Variants in MMP16 observed in about 807,000 individuals in gnomAD.
MMP16 encodes the protein matrix metallopeptidase 16.
Under a neutral mutation model 67.8 loss-of-function variants are expected in MMP16, and 12 were observed. That is an observed-to-expected ratio of 0.18 (90% CI 0.11 to 0.29). The LOEUF (loss-of-function observed/expected upper bound fraction) is 0.29, where lower values mean the gene tolerates loss of function less well. MMP16 is among the 10% of genes least tolerant of loss of function. The probability of loss-of-function intolerance (pLI) is 1.00; values close to 1 mark genes in which losing one functional copy is unlikely to be tolerated. For missense variants in MMP16, 475 were observed against 765.7 expected, an observed-to-expected ratio of 0.62 and a Z score of 4.48; for synonymous variants, 249 against 255.9, an observed-to-expected ratio of 0.97 and a Z score of 0.26.
chr8:88,060,462 G>C (rs1808383578), intron 7 of MMP16, among the ~76,000 whole-genome samples: 1 of 151,906 alleles, frequency 6.6e-6, no homozygotes, highest in South Asian at 2.1e-4. Flanking sequence ...GTTTCTTATT[G>C]CATTCAGGAT....
At chr8:88,206,088 C>T (rs1809421139) in intron 1 of MMP16, among the ~76,000 whole-genome samples, 1 of 152,034 alleles carries the variant, frequency 6.6e-6, no homozygotes, top group Non-Finnish European at 1.5e-5. Context: ...ATATTGCTAC[C>T]ATCTCTCTCA....
chr8:88,325,987 T>C (rs1392604586), intron 1 of MMP16, among the ~76,000 whole-genome samples: 1 of 152,216 alleles, frequency 6.6e-6, no homozygotes, highest in East Asian at 1.9e-4. Context: ...GGTCTTGCTA[T>C]TGTGTAAACA....
chr8:88,088,382 T>C (rs988686796), intron 6 of MMP16, among the ~76,000 whole-genome samples: 1 of 151,876 alleles, frequency 6.6e-6, no homozygotes, highest in Non-Finnish European at 1.5e-5. Context: ...GAATGTGCCA[T>C]AGGGAAAGAC....
chr8:88,038,987 G>T lies in MMP16; in HGVS notation c.*2474C>A, dbSNP rs184892466. On this transcript the variant is annotated 3_prime_UTR_variant, in exon 10 of 10. Transcript: ENST00000286614. The surrounding 1 kb of genome is among the most constrained non-coding windows in gnomAD (Gnocchi z 4.1). ...AACAATCTGCAAGGCTTTGCAGCAT[G>T]CCACCCACAATTATAAAATATTTTC... The T allele has an allele frequency of 6.7e-4, 102 of 152,586 alleles. 1 individual carries two copies. The highest frequency in any genetic ancestry group is 2.3e-3 in the African/African-American group (94 of 41,552). The allele number at this position is 152,586 out of a possible 1,614,324, so 9.5% of individuals were successfully genotyped here. A position where few individuals can be genotyped will look rare whatever the true frequency, so the allele number is the denominator to read the frequency against.
chr8:88,069,465 T>G (rs1358767701), intron 7 of MMP16: 1 of 531,968 alleles, frequency 1.9e-6, no homozygotes, highest in African/African-American at 1.9e-5. Context: ...TAGAATCCAT[T>G]TCCAATGGTA....
rs186037028 is a variant in MMP16, at chr8:88,131,737, C to T, written c.710-12876G>A. ...ACCCATCTGTCACTATTCACCCACA[C>T]GTAGCTTAATTCTTAATAGTTCCCC... On this transcript the variant is annotated intron_variant, in intron 4 of 9. Transcript: ENST00000286614. Among the ~76,000 whole-genome samples the T allele has an allele frequency of 1.8e-3, 281 of 151,922 alleles. 2 individuals carry two copies. The highest frequency in any genetic ancestry group is 0.012 in the South Asian group (56 of 4,828).
In MMP16 at chr8:88,197,162, T is replaced by C. The variant is rs758566345; in HGVS notation, c.277A>G (p.Ile93Val). The change falls in exon 2 of 10, where the codon ATT (isoleucine) becomes GTT (valine). Residue 93 changes from isoleucine (I) to valine (V), a missense_variant. Physicochemically the swap from Ile to Val is conservative, Grantham distance 29. This residue lies in a region of MMP16 where 170 missense variants were observed against 239.6 expected (regional missense o/e 0.71). Coordinates refer to ENST00000286614, the MANE Select transcript of MMP16 (RefSeq NM_005941.5). ...AGGATGGGAGCCATTACTTACTCAA[T>C]TGTGTTTCTGTCCACTTTTCCTGTC... The part of the protein sequence containing the change: ...NMTGKVDRNT[I>V]DWMKKPRCGV... The C allele has an allele frequency of 1.1e-5, 18 of 1,609,058 alleles. No homozygotes were observed. Among genetic ancestry groups the C allele is most frequent in the Non-Finnish European group, 1.4e-5 (16 of 1,178,630 alleles).
chr8:88,250,911 A>G (rs932277877), intron 1 of MMP16, among the ~76,000 whole-genome samples: 7 of 150,466 alleles, frequency 4.7e-5, no homozygotes, highest in East Asian at 4.0e-4. Flanking sequence ...ATATCTCCCA[A>G]TGCTATCCCT....
At chr8:88,095,207 C>A (rs1432024389) in intron 6 of MMP16, among the ~76,000 whole-genome samples, 1 of 151,628 alleles carries the variant, frequency 6.6e-6, no homozygotes, top group African/African-American at 2.4e-5. Context: ...ATCAATGTTG[C>A]CTTGAAATTT....
At chr8:88,224,980 G>A (rs1287209723) in intron 1 of MMP16, among the ~76,000 whole-genome samples, 1 of 151,862 alleles carries the variant, frequency 6.6e-6, no homozygotes, top group Non-Finnish European at 1.5e-5. Flanking sequence ...ATTAACCTCT[G>A]ATCTTTTTTG....
intron 1 of MMP16, among the ~76,000 whole-genome samples, chr8:88,250,595 T>A (rs1810194496): frequency 6.6e-6 from 1 of 151,934 alleles, no homozygotes; most frequent in Non-Finnish European, 1.5e-5. Flanking sequence ...GAACAATATC[T>A]ATCCTATACA....
At chr8:88,268,714 T>C (rs188177057) in intron 1 of MMP16, among the ~76,000 whole-genome samples, 2 of 152,324 alleles carry the variant, frequency 1.3e-5, no homozygotes, top group Non-Finnish European at 2.9e-5. Flanking sequence ...AGGTTTTGAT[T>C]TTCCTCCCAA....
chr8:88,146,945 T>C (rs767639621), intron 4 of MMP16, among the ~76,000 whole-genome samples: 3 of 152,038 alleles, frequency 2.0e-5, no homozygotes, highest in Non-Finnish European at 4.4e-5. Context: ...ATAAATGTTC[T>C]TGCTGATTCA....
chr8:88,145,855 T>C (rs530209824), intron 4 of MMP16, among the ~76,000 whole-genome samples: 1 of 151,984 alleles, frequency 6.6e-6, no homozygotes, highest in Non-Finnish European at 1.5e-5. Flanking sequence ...TATTTGGTTG[T>C]TGTAATTCAG....
intron 6 of MMP16, among the ~76,000 whole-genome samples, chr8:88,089,132 T>C (rs932599166): frequency 6.6e-5 from 10 of 152,070 alleles, no homozygotes; most frequent in Non-Finnish European, 1.3e-4. Flanking sequence ...AGGTGTCATT[T>C]TGGCATAAAA....
intron 6 of MMP16, among the ~76,000 whole-genome samples, chr8:88,085,566 A>C (rs1170386566): frequency 1.3e-5 from 2 of 152,030 alleles, no homozygotes; most frequent in Non-Finnish European, 2.9e-5. Context: ...AAAAATGCTC[A>C]AAATGTAGAC....
chr8:88,136,533 G>C (rs751344076), intron 4 of MMP16, among the ~76,000 whole-genome samples: 2 of 151,300 alleles, frequency 1.3e-5, no homozygotes, highest in South Asian at 2.1e-4. Context: ...TCTCCTTCTT[G>C]GTTGCTACAT....
chr8:88,270,019 A>G (rs1255094364), intron 1 of MMP16, among the ~76,000 whole-genome samples: 1 of 152,186 alleles, frequency 6.6e-6, no homozygotes, highest in Non-Finnish European at 1.5e-5. Context: ...TAACACTGAC[A>G]GTATGTGATT....
rs573240612 is a variant in MMP16, at chr8:88,294,813, T to C, written c.132+32262A>G. Among the ~76,000 whole-genome samples the C allele has an allele frequency of 1.2e-4, 18 of 152,282 alleles. No individual in the cohort carries two copies. The South Asian group carries it at 3.7e-3, about 32-fold the overall frequency. ...AACTGCACCTCTGCCTCTGGGTTCATGTTAGTCTCCTGCTTCAGCCTCCTG... is the reference window on the plus strand; with the variant it reads ...AACTGCACCTCTGCCTCTGGGTTCACGTTAGTCTCCTGCTTCAGCCTCCTG... On this transcript the variant is annotated intron_variant, in intron 1 of 9. Transcript: ENST00000286614.
Sources: allele counts gnomAD v4.1 joint callset (sites outside exome capture counted in the v4.1 genomes callset), GRCh38; gene constraint gnomAD v4.1.1; regional missense constraint gnomAD v4.1.1; non-coding constraint Gnocchi (gnomAD v3.1); transcripts MANE v1.5; gene names NCBI Gene and HGNC (gene_info 2026-07-23, HGNC 2026-07-21).